The following PGAP4 variants were observed in gnomAD, a reference collection of about 807,000 sequenced individuals.
PGAP4 encodes post-GPI attachment to proteins GalNAc transferase 4.
PGAP4 carries 12 observed loss-of-function variants against 28.2 expected under a neutral mutation model. The observed-to-expected ratio is 0.42, with a 90% CI of 0.27 to 0.69. The LOEUF (loss-of-function observed/expected upper bound fraction) is 0.69. Ranked by LOEUF, PGAP4 falls within the 30% of genes least tolerant of loss-of-function variation. The probability of loss-of-function intolerance (pLI) is 0.22; values close to 1 mark genes in which losing one functional copy is unlikely to be tolerated. For missense variants in PGAP4, 425 were observed against 513.5 expected (o/e 0.83, Z 1.67); for synonymous variants, 205 against 211.8 (o/e 0.97, Z 0.28).
chr9:101,496,956 T>C (rs999033960), intron 2 of PGAP4, among the ~76,000 whole-genome samples: 4 of 150,646 alleles, frequency 2.7e-5, no homozygotes, highest in Non-Finnish European at 5.9e-5. Context: ...TTAAAAACTA[T>C]TTGTACACTT....
At chr9:101,525,051 T>C (rs1827023346) in intron 2 of PGAP4, among the ~76,000 whole-genome samples, 1 of 152,220 alleles carries the variant, frequency 6.6e-6, no homozygotes, top group African/African-American at 2.4e-5. Flanking sequence ...GTCTTTGCTA[T>C]TGTGAATTGT....
intron 2 of PGAP4, among the ~76,000 whole-genome samples, chr9:101,529,153 C>CT (rs36069212): frequency 1.3e-3 from 170 of 130,478 alleles, no homozygotes; most frequent in Middle Eastern, 3.8e-3. Flanking sequence ...TGTCTCTCGG[C>CT]TTTTTTTTTT....
In PGAP4 at chr9:101,477,145, A is replaced by T; in HGVS notation, c.-53T>A. 6.7e-7 allele frequency: 1 copy of T among 1,500,022 alleles called. No individual in the cohort carries two copies. Among genetic ancestry groups the T allele is most frequent in the Non-Finnish European group, 8.9e-7 (1 of 1,126,930 alleles). 92.9% of individuals were successfully genotyped at this position (1,500,022 alleles called of 1,614,324 possible). On this transcript the variant is annotated 5_prime_UTR_variant, in exon 2 of 2. An upstream open reading frame in the 5' UTR loses its in-frame stop. Transcript: ENST00000374848. ...CCAAGAAAAAACCATCCTGGAACTCAGGCCAGAGTCATCAGAAATCAAACC... is the reference window on the plus strand; with the variant it reads ...CCAAGAAAAAACCATCCTGGAACTCTGGCCAGAGTCATCAGAAATCAAACC...
In PGAP4 at chr9:101,473,641, G is replaced by C. The variant is rs1316191284; in HGVS notation, c.*2240C>G. ...TTAGCCTTCCATAATGGAGAAGTCG[G>C]GCAGGGGATGTCTGCATGCAATAGA... On this transcript the variant is annotated 3_prime_UTR_variant, in exon 2 of 2. Coordinates refer to ENST00000374848, the MANE Select transcript of PGAP4 (RefSeq NM_032342.3). 1 of 152,272 alleles carries C rather than the reference G, an allele frequency of 6.6e-6. No homozygotes were observed. Among genetic ancestry groups the C allele is most frequent in the Non-Finnish European group, 1.5e-5 (1 of 68,080 alleles). 9.4% of individuals were successfully genotyped at this position (152,272 alleles called of 1,614,324 possible). A position where few individuals can be genotyped will look rare whatever the true frequency, so the allele number is the denominator to read the frequency against.
chr9:101,510,186 A>G (rs1173429489), intron 2 of PGAP4, among the ~76,000 whole-genome samples: 3 of 152,154 alleles, frequency 2.0e-5, no homozygotes, highest in African/African-American at 7.2e-5. Flanking sequence ...AAAGAGGAAC[A>G]CATGCCACCT....
In PGAP4 at chr9:101,473,520, C is replaced by T. The variant is rs1459188857; in HGVS notation, c.*2361G>A. The T allele has an allele frequency of 2.0e-5, 3 of 152,276 alleles. No homozygotes were observed. The highest frequency in any genetic ancestry group is 4.4e-5 in the Non-Finnish European group (3 of 68,078). The allele number at this position is 152,276 out of a possible 1,614,324, so 9.4% of individuals were successfully genotyped here. A position where few individuals can be genotyped will look rare whatever the true frequency, so the allele number is the denominator to read the frequency against. ...CAAAAGAGCAGAACTGAGCCTGCAT[C>T]TGCAGAAAATGTCCAAAGACAACTG... On this transcript the variant is annotated 3_prime_UTR_variant, in exon 2 of 2. Transcript: ENST00000374848.
At chr9:101,516,971 A>G (rs1826949086) in intron 2 of PGAP4, among the ~76,000 whole-genome samples, 1 of 152,176 alleles carries the variant, frequency 6.6e-6, no homozygotes, top group African/African-American at 2.4e-5. Context: ...CTCATGATCT[A>G]TCTCTTATTT....
chr9:101,518,854 G>A lies in PGAP4; in HGVS notation c.-165+12494C>T, dbSNP rs139615560. On this transcript the variant is annotated intron_variant, in intron 2 of 3. Coordinates refer to the PGAP4 transcript ENST00000374851. ...AGTAATGGGATTGCTGGATCAAATA[G>A]TAGTTCTACTTTTAGTTCTTTAAGG... is the stretch of plus-strand genomic sequence containing the variant. 4.9e-4 allele frequency among the ~76,000 whole-genome samples: 74 copies of A among 152,300 alleles called. No individual in the cohort carries two copies. The East Asian group carries it at 0.014, about 29-fold the overall frequency.
intron 2 of PGAP4, among the ~76,000 whole-genome samples, chr9:101,511,221 C>T (rs1365366330): frequency 1.3e-5 from 2 of 152,104 alleles, no homozygotes; most frequent in Non-Finnish European, 2.9e-5. Flanking sequence ...TGGGGAGTGG[C>T]TTTAAATACA....
chr9:101,498,643 C>T (rs1390956017), intron 2 of PGAP4, among the ~76,000 whole-genome samples: 1 of 151,870 alleles, frequency 6.6e-6, no homozygotes, highest in African/African-American at 2.4e-5. Context: ...TACATGTTAA[C>T]TGTATAGTTG....
chr9:101,520,091 C>G (rs1008634101), intron 2 of PGAP4, among the ~76,000 whole-genome samples: 1 of 152,060 alleles, frequency 6.6e-6, no homozygotes, highest in African/African-American at 2.4e-5. Context: ...ATTTTTGTAC[C>G]AGTGCCGTGC....
intron 1 of PGAP4, among the ~76,000 whole-genome samples, chr9:101,485,961 A>AT: frequency 6.6e-6 from 1 of 152,222 alleles, no homozygotes; most frequent in Middle Eastern, 3.4e-3. Context: ...AAACACACAC[A>AT]TGCACGCGCA....
intron 2 of PGAP4, among the ~76,000 whole-genome samples, chr9:101,502,764 C>G (rs999095361): frequency 2.0e-5 from 3 of 151,966 alleles, no homozygotes; most frequent in Non-Finnish European, 4.4e-5. Flanking sequence ...GGTCAGAGGC[C>G]AGAAGAACAT....
intron 2 of PGAP4, among the ~76,000 whole-genome samples, chr9:101,522,380 T>C (rs1826996577): frequency 6.6e-6 from 1 of 152,222 alleles, no homozygotes; most frequent in Admixed American, 6.5e-5. Context: ...AATTGTTTTA[T>C]AAATTTGGAA....
chr9:101,484,598 G>A (rs1588200238), intron 1 of PGAP4, among the ~76,000 whole-genome samples: 1 of 152,112 alleles, frequency 6.6e-6, no homozygotes, highest in East Asian at 1.9e-4. Context: ...TTCTTTATTA[G>A]TGTCCTTATA....
chr9:101,524,109 A>G (rs371312053), intron 2 of PGAP4, among the ~76,000 whole-genome samples: 4 of 151,694 alleles, frequency 2.6e-5, no homozygotes, highest in African/African-American at 9.7e-5. Flanking sequence ...TCTCTCAGTC[A>G]TGGACACTAG....
chr9:101,495,578 T>A (rs1049135771), intron 2 of PGAP4, among the ~76,000 whole-genome samples: 4 of 147,484 alleles, frequency 2.7e-5, no homozygotes, highest in African/African-American at 9.9e-5. Context: ...ACCAAAGATG[T>A]CAAAGGTTTA....
chr9:101,512,611 G>A (rs1217932318), intron 2 of PGAP4, among the ~76,000 whole-genome samples: 1 of 152,116 alleles, frequency 6.6e-6, no homozygotes, highest in Admixed American at 6.6e-5. Context: ...TACATGAAGA[G>A]ATTAATCATG....
intron 2 of PGAP4, among the ~76,000 whole-genome samples, chr9:101,508,401 T>C (rs1826868132): frequency 6.6e-6 from 1 of 152,054 alleles, no homozygotes; most frequent in Admixed American, 6.6e-5. Context: ...GGCACGTCAA[T>C]AAAATATGAC....
Sources: gnomAD v4.1 joint callset for allele counts (sites outside exome capture counted in the v4.1 genomes callset) on GRCh38, gnomAD v4.1.1 for gene constraint, MANE v1.5 for transcripts, NCBI Gene and HGNC (gene_info 2026-07-23, HGNC 2026-07-21) for gene names.